Variants in PCDHGA1 observed in about 807,000 individuals in gnomAD.
The protein encoded by PCDHGA1 is protocadherin gamma subfamily A, 1, also known as protocadherin gamma-A1.
Under a neutral mutation model 58.0 loss-of-function variants are expected in PCDHGA1, and 32 were observed. The observed-to-expected ratio is 0.55, with a 90% CI of 0.42 to 0.74. The LOEUF (loss-of-function observed/expected upper bound fraction) is 0.74. Ranked by LOEUF, PCDHGA1 falls within the 30% of genes least tolerant of loss-of-function variation. The probability of loss-of-function intolerance (pLI) is 0.00; values close to 1 mark genes in which losing one functional copy is unlikely to be tolerated. For missense variants in PCDHGA1, 1,205 were observed against 1,182.3 expected (o/e 1.02, Z -0.28); for synonymous variants, 498 against 501.1 (o/e 0.99, Z 0.08).
At chr5:141,502,739 A>C (rs1287180048) in intron 2 of PCDHGA1, among the ~76,000 whole-genome samples, 1 of 152,070 alleles carries the variant, frequency 6.6e-6, no homozygotes, top group Non-Finnish European at 1.5e-5. Flanking sequence ...ATGTTCTGTC[A>C]TTCCTTCTAC....
chr5:141,476,453 G>C lies in PCDHGA1; in HGVS notation c.2422-18354G>C. On this transcript the variant is annotated intron_variant, in intron 1 of 3. Coordinates refer to ENST00000517417, the MANE Select transcript of PCDHGA1 (RefSeq NM_018912.3). This position sits in a 1 kb window ranked among gnomAD's most constrained non-coding sequence, Gnocchi z 7.6. The stretch of plus-strand genomic sequence containing the variant: ...CACTGTAACTCTGGAGTTGGTAGTG[G>C]AGAACCCGCTGGAGCTGTTCAGCGT... 2 of 1,614,138 alleles carry C rather than the reference G, an allele frequency of 1.2e-6. No homozygotes were observed. Among genetic ancestry groups the C allele is most frequent in the Non-Finnish European group, 1.7e-6 (2 of 1,180,022 alleles).
At chr5:141,429,770 A>T (rs2097244120) in intron 1 of PCDHGA1, among the ~76,000 whole-genome samples, 1 of 152,122 alleles carries the variant, frequency 6.6e-6, no homozygotes, top group Admixed American at 6.6e-5. Context: ...CTATATTTTG[A>T]TGGGCTTCCA....
rs992259833 is a variant in PCDHGA1 at position 141,339,563 on chromosome 5, C to A, written c.2421+6458C>A. Reference sequence around the variant, plus strand: ...CAAGTACCCAGAACTGGTGCTGGAGCGCTCTCTGGACCGCGAGGAAGAGGC... The same window carrying A: ...CAAGTACCCAGAACTGGTGCTGGAGAGCTCTCTGGACCGCGAGGAAGAGGC... On this transcript the variant is annotated intron_variant, in intron 1 of 3. Transcript: ENST00000517417. 2.5e-6 allele frequency: 4 copies of A among 1,614,022 alleles called. No individual in the cohort carries two copies. In the African/African-American group the frequency reaches 5.3e-5, roughly 22 times the overall value.
rs186109113 is a variant in PCDHGA1, at chr5:141,415,284, G to C, written c.2422-79523G>C. ...TGTACCTGGTGGTAGCGGTGGCCGCGGTCTCCTGCGTCTTCCTGGCCTTCG... is the reference window on the plus strand; with the variant it reads ...TGTACCTGGTGGTAGCGGTGGCCGCCGTCTCCTGCGTCTTCCTGGCCTTCG... On this transcript the variant is annotated intron_variant, in intron 1 of 3. Transcript: ENST00000517417. 4,314 of 1,614,198 alleles carry C rather than the reference G, an allele frequency of 2.7e-3. 11 individuals are homozygous for C. The highest frequency in any genetic ancestry group is 7.3e-3 in the Middle Eastern group (44 of 6,062).
chr5:141,485,654 G>A lies in PCDHGA1; in HGVS notation c.2422-9153G>A, dbSNP rs2099617203. 6.2e-7 allele frequency: 1 copy of A among 1,612,482 alleles called. No individual in the cohort carries two copies. The highest frequency in any genetic ancestry group is 8.5e-7 in the Non-Finnish European group (1 of 1,178,842). On this transcript the variant is annotated intron_variant, in intron 1 of 3. Coordinates refer to ENST00000517417, the MANE Select transcript of PCDHGA1 (RefSeq NM_018912.3). The surrounding 1 kb of genome is among the most constrained non-coding windows in gnomAD (Gnocchi z 5.7). ...CCCGTTGGAAAAGGCTCAGGATGCA[G>A]ATGTGGGGAGCAATTCGATTAGCAG... is the stretch of plus-strand genomic sequence containing the variant.
intron 1 of PCDHGA1, among the ~76,000 whole-genome samples, chr5:141,402,570 C>G (rs947118867): frequency 1.3e-5 from 2 of 152,138 alleles, no homozygotes; most frequent in Admixed American, 1.3e-4. Flanking sequence ...TTATTTACAA[C>G]TCAGATATCT....
At position 141,477,632 on chromosome 5, in the gene PCDHGA1, G is replaced by A. The variant is rs1262622928; in HGVS notation, c.2422-17175G>A. Reference sequence around the variant, plus strand: ...GGAGCAAGGAGCTGAAACCGGGCTAGTGGGTCGCTATTTCACAATAAATCG... The same window carrying A: ...GGAGCAAGGAGCTGAAACCGGGCTAATGGGTCGCTATTTCACAATAAATCG... On this transcript the variant is annotated intron_variant, in intron 1 of 3. Coordinates refer to ENST00000517417, the MANE Select transcript of PCDHGA1 (RefSeq NM_018912.3). This position sits in a 1 kb window ranked among gnomAD's most constrained non-coding sequence, Gnocchi z 4.9. 6.8e-6 allele frequency: 11 copies of A among 1,614,218 alleles called. No homozygotes were observed. Among genetic ancestry groups the A allele is most frequent in the Non-Finnish European group, 9.3e-6 (11 of 1,180,046 alleles).
chr5:141,472,856 C>T (rs1251907207), intron 1 of PCDHGA1, among the ~76,000 whole-genome samples: 5 of 150,296 alleles, frequency 3.3e-5, no homozygotes, highest in East Asian at 2.0e-4. Flanking sequence ...CATGGTGGCA[C>T]ATGCCTGTAT....
chr5:141,477,970 T>G lies in PCDHGA1; in HGVS notation c.2422-16837T>G. ...TCTTGGGATCCCCTAACCAGAGCCTTTTTGCCATAGGGCTGCACACTGGTC... is the reference window on the plus strand; with the variant it reads ...TCTTGGGATCCCCTAACCAGAGCCTGTTTGCCATAGGGCTGCACACTGGTC... On this transcript the variant is annotated intron_variant, in intron 1 of 3. Coordinates refer to ENST00000517417, the MANE Select transcript of PCDHGA1 (RefSeq NM_018912.3). This position sits in a 1 kb window ranked among gnomAD's most constrained non-coding sequence, Gnocchi z 4.9. 1 of 1,614,090 alleles carries G rather than the reference T, an allele frequency of 6.2e-7. No homozygotes were observed. The highest frequency in any genetic ancestry group is 8.5e-7 in the Non-Finnish European group (1 of 1,180,002).
rs750036800 is a variant in PCDHGA1, at chr5:141,419,495, G to A, written c.2422-75312G>A. On this transcript the variant is annotated intron_variant, in intron 1 of 3. Coordinates refer to ENST00000517417, the MANE Select transcript of PCDHGA1 (RefSeq NM_018912.3). ...GGGCTCGCCCGCGCTCAGCGCCAAT[G>A]TGAGCCTGCGCGTGTTGGTGGGCGA... The A allele has an allele frequency of 5.0e-6, 8 of 1,612,432 alleles. No individual in the cohort carries two copies. The Admixed American group carries it at 1.3e-4, about 27-fold the overall frequency.
chr5:141,499,932 C>A (rs1169727162), intron 2 of PCDHGA1, among the ~76,000 whole-genome samples: 1 of 152,076 alleles, frequency 6.6e-6, no homozygotes, highest in Non-Finnish European at 1.5e-5. Context: ...AAGTGATCCA[C>A]CCTCCTCGGC....
chr5:141,427,712 C>T, intron 1 of PCDHGA1: 2 of 1,051,468 alleles, frequency 1.9e-6, no homozygotes, highest in African/African-American at 1.6e-5. Context: ...GCGCCTCTGA[C>T]CTGGACCTAG....
chr5:141,420,277 A>C, intron 1 of PCDHGA1: 1 of 1,518,166 alleles, frequency 6.6e-7, no homozygotes, highest in Non-Finnish European at 8.9e-7. Flanking sequence ...TTAAACAGGT[A>C]AGTATTTAAA....
At position 141,493,904 on chromosome 5, in the gene PCDHGA1, G is replaced by A. The variant is rs1204744465; in HGVS notation, c.2422-903G>A. Among the ~76,000 whole-genome samples, 1 of 152,216 alleles carries A rather than the reference G, an allele frequency of 6.6e-6. No individual in the cohort carries two copies. Among genetic ancestry groups the A allele is most frequent in the Non-Finnish European group, 1.5e-5 (1 of 68,028 alleles). On this transcript the variant is annotated intron_variant, in intron 1 of 3. Transcript: ENST00000517417. The surrounding 1 kb of genome is among the most constrained non-coding windows in gnomAD (Gnocchi z 4.3). ...GGCTCTAGGAGTGCTCCATGAGAGT[G>A]TGTGATGGGATAACACACCCCCTGG...
intron 1 of PCDHGA1, chr5:141,344,976 T>C: frequency 6.2e-7 from 1 of 1,613,898 alleles, no homozygotes; most frequent in Non-Finnish European, 8.5e-7. Flanking sequence ...TGCCATGTTC[T>C]ATGAAATTAA....
intron 1 of PCDHGA1, chr5:141,351,811 C>T (rs962928273): frequency 3.7e-6 from 6 of 1,613,306 alleles, no homozygotes; most frequent in Admixed American, 1.7e-5. Flanking sequence ...GCGCCTTCGA[C>T]CACGAGCAGC....
At position 141,476,591 on chromosome 5, in the gene PCDHGA1, G is replaced by C. The variant is rs200254399; in HGVS notation, c.2422-18216G>C. The C allele has an allele frequency of 6.2e-7, 1 of 1,614,230 alleles. No homozygotes were observed. Among genetic ancestry groups the C allele is most frequent in the East Asian group, 2.2e-5 (1 of 44,870 alleles). On this transcript the variant is annotated intron_variant, in intron 1 of 3. Coordinates refer to ENST00000517417, the MANE Select transcript of PCDHGA1 (RefSeq NM_018912.3). This position sits in a 1 kb window ranked among gnomAD's most constrained non-coding sequence, Gnocchi z 7.6. ...GGGGACGCGCTTTCCGCTCGAGAGCGCGCACGATCCCGATGTGGGAAGCAA... is the reference window on the plus strand; with the variant it reads ...GGGGACGCGCTTTCCGCTCGAGAGCCCGCACGATCCCGATGTGGGAAGCAA...
intron 3 of PCDHGA1, among the ~76,000 whole-genome samples, chr5:141,506,012 T>C (rs2099850012): frequency 6.6e-6 from 1 of 152,208 alleles, no homozygotes; most frequent in Non-Finnish European, 1.5e-5. Context: ...CCTCTTTTGC[T>C]GCCCCTAACT....
intron 1 of PCDHGA1, chr5:141,343,304 C>A (rs1757276367): frequency 3.1e-6 from 3 of 972,130 alleles, no homozygotes; most frequent in Non-Finnish European, 3.7e-6. Flanking sequence ...ATAAATATGG[C>A]TGATTTCTGT....
Sources: allele counts gnomAD v4.1 joint callset (sites outside exome capture counted in the v4.1 genomes callset), GRCh38; gene constraint gnomAD v4.1.1; non-coding constraint Gnocchi (gnomAD v3.1); transcripts MANE v1.5; gene names NCBI Gene and HGNC (gene_info 2026-07-23, HGNC 2026-07-21).